Variants in UGT1A10 observed in about 807,000 individuals in gnomAD.
UGT1A10 encodes UDP glucuronosyltransferase family 1 member A10.
In UGT1A10, 49 loss-of-function variants were observed where a neutral mutation model predicts 45.8. The observed-to-expected ratio is 1.07, with a 90% CI of 0.85 to 1.36. The LOEUF (loss-of-function observed/expected upper bound fraction) is 1.36, where lower values mean the gene tolerates loss of function less well. UGT1A10 is among the 40% of genes most tolerant of loss of function. UGT1A10 has a pLI of 0.00. For synonymous variants in UGT1A10, 284 were observed against 249.7 expected (o/e 1.14, Z -1.29); for missense variants, 745 against 668.6 (o/e 1.11, Z -1.26).
chr2:233,768,137 T>C (rs143830502), intron 3 of UGT1A10, 83 bp from the exon 4 acceptor site: 2 of 1,609,224 alleles, frequency 1.2e-6, no homozygotes, highest in East Asian at 4.5e-5. Context: ...ACTGAGTCTT[T>C]GGAGTGTTTT....
At chr2:233,643,304 G>A (rs2073507042) in intron 1 of UGT1A10, among the ~76,000 whole-genome samples, 1 of 152,084 alleles carries the variant, frequency 6.6e-6, no homozygotes, top group African/African-American at 2.4e-5. Flanking sequence ...TATTTGCAAA[G>A]ACAGAGGAGC....
At chr2:233,750,028 T>C (rs1368553754) in intron 1 of UGT1A10, among the ~76,000 whole-genome samples, 13 of 151,882 alleles carry the variant, frequency 8.6e-5, no homozygotes, top group Admixed American at 8.5e-4. Context: ...AGTACTGCTA[T>C]AAAGATACTT....
chr2:233,744,090 T>G (rs1692690512), intron 1 of UGT1A10: 7 of 425,206 alleles, frequency 1.6e-5, no homozygotes, highest in South Asian at 1.4e-4. Context: ...CAAGATGCAG[T>G]GCTTCTGGGA....
rs1282665133 is a variant in UGT1A10, at chr2:233,671,794, T to C, written c.855+34417T>C. On this transcript the variant is annotated intron_variant, in intron 1 of 4. Coordinates refer to ENST00000344644, the MANE Select transcript of UGT1A10 (RefSeq NM_019075.4). Reference sequence around the variant, plus strand: ...TATTCTTGTTCTTTTGGGTAAATCATTGTCAGTGACTGATTTTTTTTTTAT... The same window carrying C: ...TATTCTTGTTCTTTTGGGTAAATCACTGTCAGTGACTGATTTTTTTTTTAT... The C allele has an allele frequency of 5.0e-6, 7 of 1,407,562 alleles. No homozygotes were observed. The East Asian group carries it at 1.5e-4, about 30-fold the overall frequency. The allele number at this position is 1,407,562 out of a possible 1,614,324, so 87.2% of individuals were successfully genotyped here. A position where few individuals can be genotyped will look rare whatever the true frequency, so the allele number is the denominator to read the frequency against.
Position 233,766,572 on chromosome 2 carries a change from G to A in UGT1A10, c.856-462G>A, listed in dbSNP as rs1699186765. On this transcript the variant is annotated intron_variant, in intron 1 of 4. Coordinates refer to ENST00000344644, the MANE Select transcript of UGT1A10 (RefSeq NM_019075.4). ...TCCTCACCTAGGTCCATGGGCACAG[G>A]TCTGGGGGTGGAGCCCTCGCCAGGG... Among the ~76,000 whole-genome samples, 3 of 152,322 alleles carry A rather than the reference G, an allele frequency of 2.0e-5. No individual in the cohort carries two copies. In the South Asian group the frequency reaches 6.2e-4, roughly 32 times the overall value.
intron 1 of UGT1A10, among the ~76,000 whole-genome samples, chr2:233,700,130 A>G (rs1434848061): frequency 2.0e-5 from 3 of 152,150 alleles, no homozygotes; most frequent in Admixed American, 6.5e-5. Flanking sequence ...CCACCCTCTG[A>G]GCTGTTTGTC....
At chr2:233,697,854 T>A (rs1429230679) in intron 1 of UGT1A10, among the ~76,000 whole-genome samples, 1 of 152,198 alleles carries the variant, frequency 6.6e-6, no homozygotes, top group Non-Finnish European at 1.5e-5. Flanking sequence ...TAAGCAAAAG[T>A]TATGCATTTA....
At chr2:233,670,059 G>T (rs952623425) in intron 1 of UGT1A10, among the ~76,000 whole-genome samples, 1 of 152,164 alleles carries the variant, frequency 6.6e-6, no homozygotes, top group Non-Finnish European at 1.5e-5. Flanking sequence ...ACCAATAACA[G>T]AAACAGTTGC....
chr2:233,676,347 A>G (rs559210336), intron 1 of UGT1A10, among the ~76,000 whole-genome samples: 1 of 152,328 alleles, frequency 6.6e-6, no homozygotes, highest in African/African-American at 2.4e-5. Context: ...TCATTGTAGA[A>G]TAAATATAGG....
intron 1 of UGT1A10, chr2:233,741,852 C>A (rs961100244): frequency 4.0e-5 from 6 of 151,852 alleles, no homozygotes; most frequent in Admixed American, 6.5e-5. Flanking sequence ...TGCTCTCATG[C>A]CTTATGCAAA....
chr2:233,677,920 A>G (rs1359301348), intron 1 of UGT1A10, among the ~76,000 whole-genome samples: 1 of 152,198 alleles, frequency 6.6e-6, no homozygotes, highest in East Asian at 1.9e-4. Flanking sequence ...AAATCAACCT[A>G]GGTGCCCGTC....
intron 1 of UGT1A10, among the ~76,000 whole-genome samples, chr2:233,708,153 G>C (rs1349797259): frequency 6.6e-6 from 1 of 152,204 alleles, no homozygotes; most frequent in Admixed American, 6.5e-5. Context: ...TTCCACAGGG[G>C]AGTTGCCGGA....
rs543459576 is a variant in UGT1A10, at chr2:233,694,307, T to G, written c.855+56930T>G. On this transcript the variant is annotated intron_variant, in intron 1 of 4. Transcript: ENST00000344644. ...TCTGCCCAAAGGCCTGTTTTTTGTT[T>G]TTTTTTTTCCTTTTATGTTGAGACC... Among the ~76,000 whole-genome samples, 8 of 152,084 alleles carry G rather than the reference T, an allele frequency of 5.3e-5. No homozygotes were observed. The East Asian group carries it at 1.4e-3, about 26-fold the overall frequency.
intron 1 of UGT1A10, among the ~76,000 whole-genome samples, chr2:233,708,162 G>A (rs372592365): frequency 6.6e-5 from 10 of 152,302 alleles, no homozygotes; most frequent in African/African-American, 2.4e-4. Flanking sequence ...GGAGTTGCCG[G>A]AAAATGGACT....
chr2:233,659,699 A>C (rs1038951505), intron 1 of UGT1A10, among the ~76,000 whole-genome samples: 1 of 152,158 alleles, frequency 6.6e-6, no homozygotes, highest in African/African-American at 2.4e-5. Flanking sequence ...TTACTGTCTG[A>C]CATTTTTGCT....
rs113101046 is a variant in UGT1A10, at chr2:233,672,366, A to G, written c.855+34989A>G. On this transcript the variant is annotated intron_variant, in intron 1 of 4. Transcript: ENST00000344644. ...ACTTAAAGGAGAGTTCTTTTGATGC[A>G]GTGTTTCTCGATCCTTTTGATAACT... is the stretch of plus-strand genomic sequence containing the variant. 239 of 1,614,148 alleles carry G rather than the reference A, an allele frequency of 1.5e-4. 4 individuals carry two copies. In the African/African-American group the frequency reaches 2.2e-3, roughly 15 times the overall value.
chr2:233,640,398 TA>T (rs2073419871), intron 1 of UGT1A10, among the ~76,000 whole-genome samples: 3 of 152,192 alleles, frequency 2.0e-5, no homozygotes, highest in African/African-American at 7.2e-5. Flanking sequence ...TTATTAAATA[TA>T]AAAAATAAGT....
At chr2:233,771,903 G>C (rs937853722) in intron 4 of UGT1A10, among the ~76,000 whole-genome samples, 1 of 151,428 alleles carries the variant, frequency 6.6e-6, no homozygotes, top group Non-Finnish European at 1.5e-5. Context: ...AACCTTTCAG[G>C]TGATAATAGT....
intron 1 of UGT1A10, among the ~76,000 whole-genome samples, chr2:233,674,497 C>T (rs2074286832): frequency 6.6e-6 from 1 of 152,154 alleles, no homozygotes; most frequent in Non-Finnish European, 1.5e-5. Flanking sequence ...CCTGAACCCA[C>T]ACTGAATTTA....
Sources: gnomAD v4.1 joint callset for allele counts (sites outside exome capture counted in the v4.1 genomes callset) on GRCh38, gnomAD v4.1.1 for gene constraint, MANE v1.5 for transcripts, NCBI Gene and HGNC (gene_info 2026-07-23, HGNC 2026-07-21) for gene names.